EHD4: variants seen among roughly 807,000 people sequenced by gnomAD.
The protein encoded by EHD4 is EH domain-containing protein 4.
A neutral mutation model predicts 51.0 loss-of-function variants in EHD4; 37 were observed. That is an observed-to-expected ratio of 0.73 (90% CI 0.56 to 0.95). EHD4 has a LOEUF of 0.95. Ranked by LOEUF, EHD4 falls within the 40% of genes least tolerant of loss-of-function variation. The pLI is 0.00. For missense variants in EHD4, 632 were observed against 733.1 expected (o/e 0.86, Z 1.59); for synonymous variants, 297 against 317.3 (o/e 0.94, Z 0.68).
At chr15:41,927,805 G>A (rs1437210208) in intron 3 of EHD4, among the ~76,000 whole-genome samples, 2 of 152,134 alleles carry the variant, frequency 1.3e-5, no homozygotes, top group Non-Finnish European at 2.9e-5. Flanking sequence ...TGCTTGTAAT[G>A]GATACTTAAA....
At chr15:41,916,537 G>A (rs2067584682) in intron 4 of EHD4, among the ~76,000 whole-genome samples, 1 of 152,232 alleles carries the variant, frequency 6.6e-6, no homozygotes, top group African/African-American at 2.4e-5. Flanking sequence ...TGGATCAAGA[G>A]AAAGGTTAAT....
At chr15:41,954,063 G>T in intron 1 of EHD4, 123 bp from the exon 2 acceptor site, 1 of 1,061,936 alleles carries the variant, frequency 9.4e-7, no homozygotes. Context: ...TAACCCCCAA[G>T]AAAAGCACGC....
chr15:41,946,505 G>A (rs974932229), intron 2 of EHD4, among the ~76,000 whole-genome samples: 6 of 152,120 alleles, frequency 3.9e-5, no homozygotes, highest in African/African-American at 1.4e-4. Context: ...GAGTGGGGAC[G>A]ATCTCTTGAA....
At chr15:41,913,321 T>A (rs996867316) in intron 4 of EHD4, among the ~76,000 whole-genome samples, 1 of 152,230 alleles carries the variant, frequency 6.6e-6, no homozygotes, top group Non-Finnish European at 1.5e-5. Context: ...GGGCCAGACC[T>A]GGTGGTTGTC....
rs1161481528 is a variant in EHD4, at chr15:41,900,885, A to G, written c.1386T>C (p.Asn462=). The G allele has an allele frequency of 6.2e-7, 1 of 1,614,126 alleles. No individual in the cohort carries two copies. Among genetic ancestry groups the G allele is most frequent in the South Asian group, 1.1e-5 (1 of 91,080 alleles). ...DELFYTLSPI[N]GKISGVNAKK... ...TGGCGTTGACACCTGATATCTTGCC[A>G]TTGATGGGCGACAGAGTGTAGAAGA... The change falls in exon 6 of 6, where the codon AAT becomes AAC. Residue 462 remains asparagine (N), a synonymous_variant. Transcript: ENST00000220325. The surrounding 1 kb of genome is among the most constrained non-coding windows in gnomAD (Gnocchi z 4.8).
At chr15:41,953,056 C>T (rs1314970276) in intron 2 of EHD4, among the ~76,000 whole-genome samples, 1 of 144,498 alleles carries the variant, frequency 6.9e-6, no homozygotes, top group African/African-American at 2.5e-5. Context: ...TCATGTTTTT[C>T]ACTCTGTTTC....
intron 3 of EHD4, among the ~76,000 whole-genome samples, chr15:41,937,274 G>A (rs1261382446): frequency 1.3e-5 from 2 of 152,040 alleles, no homozygotes. Flanking sequence ...TTCCTCCAAG[G>A]GCCCTGAGCT....
chr15:41,925,824 C>T (rs1344969491), intron 3 of EHD4, among the ~76,000 whole-genome samples: 1 of 152,136 alleles, frequency 6.6e-6, no homozygotes, highest in Non-Finnish European at 1.5e-5. Context: ...GCCCCTTCTA[C>T]CCAATCAAGG....
chr15:41,971,080 T>C (rs147875800), intron 1 of EHD4, among the ~76,000 whole-genome samples: 2 of 152,376 alleles, frequency 1.3e-5, no homozygotes, highest in Non-Finnish European at 2.9e-5. Flanking sequence ...CACAGTATAT[T>C]TGTTTTGTGG....
intron 5 of EHD4, 128 bp downstream of exon 5, chr15:41,909,571 A>T (rs550366934): frequency 2.1e-4 from 230 of 1,080,546 alleles, no homozygotes; most frequent in Non-Finnish European, 2.7e-4. Context: ...ATCATGGATC[A>T]CCATTAGGAA....
intron 3 of EHD4, among the ~76,000 whole-genome samples, chr15:41,933,503 C>A (rs1057113175): frequency 2.0e-5 from 3 of 152,150 alleles, no homozygotes; most frequent in Non-Finnish European, 2.9e-5. Flanking sequence ...GCCCAGGTTG[C>A]CCAGCTGGCA....
chr15:41,939,787 C>A (rs370288604), intron 3 of EHD4, among the ~76,000 whole-genome samples: 3 of 114,314 alleles, frequency 2.6e-5, no homozygotes, highest in African/African-American at 1.1e-4. Flanking sequence ...AGCAAGACTC[C>A]GTCTCAAAAA....
chr15:41,954,686 G>A (rs920159948), intron 1 of EHD4, among the ~76,000 whole-genome samples: 2 of 151,870 alleles, frequency 1.3e-5, no homozygotes, highest in Admixed American at 6.6e-5. Flanking sequence ...CAGGCTGGCT[G>A]GAGTGCAGTG....
chr15:41,913,944 T>A (rs1464922507), intron 4 of EHD4, among the ~76,000 whole-genome samples: 1 of 152,186 alleles, frequency 6.6e-6, no homozygotes, highest in Non-Finnish European at 1.5e-5. Flanking sequence ...GGCTAATAAC[T>A]CAATGAGCAG....
intron 3 of EHD4, among the ~76,000 whole-genome samples, chr15:41,933,548 G>A (rs75422944): frequency 0.015 from 2,218 of 152,210 alleles, 47 homozygotes; most frequent in African/African-American, 0.05. Flanking sequence ...AAACGTGCCC[G>A]GCCAGTGTTT....
Position 41,909,704 on chromosome 15 carries a change from T to G in EHD4, c.1084A>C (p.Met362Leu), listed in dbSNP as rs1283767804. Residue 362 changes from methionine (M) to leucine (L), a missense_variant, in exon 5 of 6, where the codon ATG becomes CTG. Met to Leu is a conservative substitution (Grantham distance 15). Coordinates refer to ENST00000220325, the MANE Select transcript of EHD4 (RefSeq NM_139265.4). ...SAGDFPEVKA[M>L]QEQLENYDFT... ...TTGTAGTGGGCTCCCAGTACCTGCA[T>G]AGCCTTGACCTCAGGGAAGTCCCCT... 1 of 1,614,198 alleles carries G rather than the reference T, an allele frequency of 6.2e-7. No homozygotes were observed. Among genetic ancestry groups the G allele is most frequent in the East Asian group, 2.2e-5 (1 of 44,874 alleles).
chr15:41,904,781 T>G (rs2067501758), intron 5 of EHD4, among the ~76,000 whole-genome samples: 1 of 152,220 alleles, frequency 6.6e-6, no homozygotes, highest in Non-Finnish European at 1.5e-5. Flanking sequence ...GAGTCAGCAG[T>G]AACGGTGGCC....
At chr15:41,903,260 A>G (rs1401028881) in intron 5 of EHD4, among the ~76,000 whole-genome samples, 2 of 150,058 alleles carry the variant, frequency 1.3e-5, no homozygotes, top group East Asian at 4.0e-4. Context: ...TTTGGACAGA[A>G]GCAATGTGAC....
intron 1 of EHD4, among the ~76,000 whole-genome samples, chr15:41,962,951 A>C (rs1246178677): frequency 6.6e-6 from 1 of 152,248 alleles, no homozygotes; most frequent in African/African-American, 2.4e-5. Flanking sequence ...TGTACTAAGA[A>C]AAATTCTTCT....
Sources: allele counts gnomAD v4.1 joint callset (sites outside exome capture counted in the v4.1 genomes callset), GRCh38; gene constraint gnomAD v4.1.1; non-coding constraint Gnocchi (gnomAD v3.1); transcripts MANE v1.5; gene names NCBI Gene and HGNC (gene_info 2026-07-23, HGNC 2026-07-21).